The following AK4 variants were observed in gnomAD, a reference collection of about 807,000 sequenced individuals.
AK4 encodes the protein adenylate kinase 4, also known as adenylate kinase 4, mitochondrial.
AK4 carries 13 observed loss-of-function variants against 24.6 expected under a neutral mutation model. The ratio of observed to expected loss-of-function variants is 0.53; its 90% CI spans 0.34 to 0.84. AK4 has a LOEUF of 0.84. AK4 is among the 40% of genes least tolerant of loss of function. The pLI, the probability that AK4 is intolerant of heterozygous loss-of-function variation, is 0.01. For synonymous variants in AK4, 88 were observed against 107.0 expected, an observed-to-expected ratio of 0.82 and a Z score of 1.10; for missense variants, 192 against 288.2, an observed-to-expected ratio of 0.67 and a Z score of 2.42.
intron 1 of AK4, among the ~76,000 whole-genome samples, chr1:65,174,409 C>T (rs181882973): frequency 4.6e-5 from 7 of 152,130 alleles, no homozygotes; most frequent in Admixed American, 3.9e-4. Context: ...ATTCAGAGAC[C>T]GAATTTCCCT....
chr1:65,190,463 G>A (rs1388507346), intron 1 of AK4, among the ~76,000 whole-genome samples: 1 of 130,400 alleles, frequency 7.7e-6, no homozygotes, highest in Non-Finnish European at 1.7e-5. Context: ...GGGGGGGCGG[G>A]AGGAGGGGTG....
chr1:65,182,505 A>C (rs549441933), intron 1 of AK4, among the ~76,000 whole-genome samples: 2 of 152,164 alleles, frequency 1.3e-5, no homozygotes, highest in Non-Finnish European at 2.9e-5. Context: ...TATTGAAAAA[A>C]GTATATGACA....
rs946693572 is a variant in AK4, at chr1:65,227,027, A to AC, written c.*850_*851insC. The AC allele has an allele frequency of 6.9e-6, 1 of 145,164 alleles. No homozygotes were observed. The highest frequency in any genetic ancestry group is 1.5e-5 in the Non-Finnish European group (1 of 66,578). The allele number at this position is 145,164 out of a possible 1,614,324, so 9.0% of individuals were successfully genotyped here. A position where few individuals can be genotyped will look rare whatever the true frequency, so the allele number is the denominator to read the frequency against. ...TTTCTTTTATTGTGAAAAAAAAAAA[A>AC]AACCCTGAAAGTCTTGGGAACCCCC... On this transcript the variant is annotated 3_prime_UTR_variant, in exon 5 of 5. Coordinates refer to ENST00000327299, the MANE Select transcript of AK4 (RefSeq NM_013410.4).
chr1:65,180,318 T>C (rs1650856706), intron 1 of AK4, among the ~76,000 whole-genome samples: 1 of 152,142 alleles, frequency 6.6e-6, no homozygotes, highest in African/African-American at 2.4e-5. Context: ...CATGGTGGCA[T>C]GCACCTGTGT....
chr1:65,202,866 CTTTTTT>C (rs34143736), intron 2 of AK4, among the ~76,000 whole-genome samples: 2 of 91,818 alleles, frequency 2.2e-5, no homozygotes, highest in South Asian at 4.4e-4. Context: ...GCTGTGTAGT[CTTTTTT>C]TTTTTTTTTT....
At chr1:65,219,052 T>C (rs944052707) in intron 3 of AK4, 126 bp downstream of exon 3, 1 of 606,242 alleles carries the variant, frequency 1.6e-6, no homozygotes, top group Admixed American at 4.2e-5. Context: ...CAAAAAACAT[T>C]TTTTAAATGT....
chr1:65,186,504 A>G (rs1490317142), intron 1 of AK4, among the ~76,000 whole-genome samples: 1 of 152,336 alleles, frequency 6.6e-6, no homozygotes, highest in South Asian at 2.1e-4. Flanking sequence ...CATTGAACCA[A>G]CTGTTTTAAC....
chr1:65,196,168 C>T (rs948967973), intron 2 of AK4, among the ~76,000 whole-genome samples: 1 of 152,160 alleles, frequency 6.6e-6, no homozygotes, highest in African/African-American at 2.4e-5. Context: ...GGCACATGCT[C>T]TGCGGAGGAC....
At chr1:65,224,022 G>C (rs1435144178) in intron 3 of AK4, among the ~76,000 whole-genome samples, 1 of 151,888 alleles carries the variant, frequency 6.6e-6, no homozygotes, top group Admixed American at 6.6e-5. Context: ...AATAAAACCT[G>C]TATTAATCAG....
intron 2 of AK4, among the ~76,000 whole-genome samples, chr1:65,200,411 G>A (rs528927384): frequency 1.3e-4 from 20 of 152,010 alleles, no homozygotes; most frequent in African/African-American, 2.9e-4. Context: ...CACCGTGCCC[G>A]GTCTAGGTAA....
intron 2 of AK4, among the ~76,000 whole-genome samples, chr1:65,208,934 G>A (rs902013433): frequency 1.1e-4 from 17 of 152,138 alleles, no homozygotes; most frequent in Non-Finnish European, 1.5e-5. Context: ...GCACTGCTGG[G>A]AACACAATAC....
At chr1:65,215,613 T>A (rs1200100818) in intron 2 of AK4, among the ~76,000 whole-genome samples, 2 of 152,230 alleles carry the variant, frequency 1.3e-5, no homozygotes, top group African/African-American at 4.8e-5. Flanking sequence ...TCTAAATCAC[T>A]GGAATTAATT....
intron 2 of AK4, among the ~76,000 whole-genome samples, chr1:65,202,263 T>A (rs1651683109): frequency 6.6e-6 from 1 of 151,988 alleles, no homozygotes; most frequent in Non-Finnish European, 1.5e-5. Context: ...CGGGCGTGGT[T>A]GCAGGCGCCT....
intron 1 of AK4, among the ~76,000 whole-genome samples, chr1:65,179,606 G>A (rs1221964794): frequency 6.6e-6 from 1 of 151,872 alleles, no homozygotes; most frequent in Non-Finnish European, 1.5e-5. Context: ...TGGGAGGCCC[G>A]GGCAGGAGGA....
intron 1 of AK4, among the ~76,000 whole-genome samples, chr1:65,180,383 T>C (rs954687798): frequency 1.3e-5 from 2 of 152,238 alleles, no homozygotes; most frequent in Middle Eastern, 6.8e-3. Flanking sequence ...ATAGCAAGTG[T>C]CAGAGAGTGA....
intron 2 of AK4, among the ~76,000 whole-genome samples, chr1:65,205,805 T>G (rs1243895032): frequency 6.6e-6 from 1 of 152,250 alleles, no homozygotes; most frequent in Non-Finnish European, 1.5e-5. Flanking sequence ...CTTTATACTT[T>G]AAATTTTTCT....
intron 1 of AK4, among the ~76,000 whole-genome samples, chr1:65,175,206 GCTTGTC>G (rs933456150): frequency 1.8e-4 from 27 of 152,210 alleles, no homozygotes; most frequent in African/African-American, 6.3e-4. Flanking sequence ...TCAGTGGACT[GCTTGTC>G]CTTGCTGATT....
In AK4 at chr1:65,226,088, T is replaced by C; in HGVS notation, c.583T>C (p.Ser195Pro). ...YKSRGVLHQF[S>P]GTETNKIWPY... ...GAGCCGAGGAGTGCTCCACCAATTT[T>C]CCGGAACGGAGACGAACAAAATCTG... The change falls in exon 5 of 5, where the codon TCC becomes CCC. Residue 195 changes from serine (S) to proline (P), a missense_variant. Transcript: ENST00000327299. 1 of 1,611,788 alleles carries C rather than the reference T, an allele frequency of 6.2e-7. No homozygotes were observed. Among genetic ancestry groups the C allele is most frequent in the Non-Finnish European group, 8.5e-7 (1 of 1,179,780 alleles).
rs948391049 is a variant in AK4 at position 65,214,337 on chromosome 1, C to A, written c.266-4417C>A. Reference sequence around the variant, plus strand: ...TGTTGGCCAGGCTGGTCTTGAACTCCTGACCGCAAGTGATCCACCCGTCTT... The same window carrying A: ...TGTTGGCCAGGCTGGTCTTGAACTCATGACCGCAAGTGATCCACCCGTCTT... On this transcript the variant is annotated intron_variant, in intron 2 of 4. Transcript: ENST00000327299. Among the ~76,000 whole-genome samples, 127 of 152,150 alleles carry A rather than the reference C, an allele frequency of 8.3e-4. 1 individual carries two copies. The highest frequency in any genetic ancestry group is 1.4e-3 in the Non-Finnish European group (98 of 68,036).
Sources: allele counts gnomAD v4.1 joint callset (sites outside exome capture counted in the v4.1 genomes callset), GRCh38; gene constraint gnomAD v4.1.1; transcripts MANE v1.5; gene names NCBI Gene and HGNC (gene_info 2026-07-23, HGNC 2026-07-21).